The following PALM2AKAP2 variants were observed in gnomAD, a reference collection of about 807,000 sequenced individuals.
The protein encoded by PALM2AKAP2 is PALM2-AKAP2 fusion protein.
PALM2AKAP2 carries 37 observed loss-of-function variants against 71.5 expected under a neutral mutation model. The ratio of observed to expected loss-of-function variants is 0.52; its 90% CI spans 0.40 to 0.68. The LOEUF is 0.68. Ranked by LOEUF, PALM2AKAP2 falls within the 30% of genes least tolerant of loss-of-function variation. PALM2AKAP2 has a pLI of 0.00. For missense variants in PALM2AKAP2, 1,224 were observed against 1,191.8 expected, an observed-to-expected ratio of 1.03 and a Z score of -0.40; for synonymous variants, 468 against 478.8, an observed-to-expected ratio of 0.98 and a Z score of 0.29.
At chr9:109,954,363 C>A (rs1427045416) in intron 6 of PALM2AKAP2, among the ~76,000 whole-genome samples, 3 of 152,060 alleles carry the variant, frequency 2.0e-5, no homozygotes, top group Non-Finnish European at 4.4e-5. Context: ...CACATCATCT[C>A]CCCAGCAGCC....
intron 1 of PALM2AKAP2, among the ~76,000 whole-genome samples, chr9:109,721,983 C>A (rs887755952): frequency 6.6e-6 from 1 of 152,176 alleles, no homozygotes; most frequent in African/African-American, 2.4e-5. Context: ...GACTGGAACC[C>A]AAATTTATTA....
chr9:109,839,061 A>G (rs1209335320), intron 1 of PALM2AKAP2, among the ~76,000 whole-genome samples: 1 of 152,228 alleles, frequency 6.6e-6, no homozygotes, highest in Non-Finnish European at 1.5e-5. Flanking sequence ...CTGATACCAA[A>G]GCTTGGCAGA....
chr9:110,054,587 T>A (rs1833792009), intron 1 of PALM2AKAP2, among the ~76,000 whole-genome samples: 1 of 152,176 alleles, frequency 6.6e-6, no homozygotes, highest in Non-Finnish European at 1.5e-5. Context: ...TATTATTATT[T>A]TTTGAAACAG....
chr9:109,908,432 T>C (rs1198284218), intron 3 of PALM2AKAP2, among the ~76,000 whole-genome samples: 1 of 152,246 alleles, frequency 6.6e-6, no homozygotes, highest in African/African-American at 2.4e-5. Flanking sequence ...GAATCCCAGC[T>C]CTGCCACTTA....
intron 2 of PALM2AKAP2, among the ~76,000 whole-genome samples, chr9:110,146,560 G>T (rs2119162892): frequency 6.6e-6 from 1 of 152,310 alleles, no homozygotes; most frequent in South Asian, 2.1e-4. Flanking sequence ...GTGAATCAAA[G>T]AACCTAATTC....
At chr9:110,000,698 C>T (rs751185901) in intron 6 of PALM2AKAP2, among the ~76,000 whole-genome samples, 4 of 152,134 alleles carry the variant, frequency 2.6e-5, no homozygotes, top group Non-Finnish European at 5.9e-5. Context: ...TTTTAATGAT[C>T]CCCATTCTAA....
chr9:110,166,502 A>ACTATTAGAAAATTTCT (rs1836736670), intron 3 of PALM2AKAP2, among the ~76,000 whole-genome samples: 1 of 152,198 alleles, frequency 6.6e-6, no homozygotes, highest in Admixed American at 6.5e-5. Context: ...CACACATTAG[A>ACTATTAGAAAATTTCT]CTATTAGAAA....
intron 1 of PALM2AKAP2, among the ~76,000 whole-genome samples, chr9:109,654,092 T>C (rs915554434): frequency 2.0e-5 from 3 of 152,228 alleles, no homozygotes; most frequent in Non-Finnish European, 2.9e-5. Flanking sequence ...ATAATTTATA[T>C]CCTAAAAATA....
At chr9:109,957,711 A>G (rs986529630) in intron 6 of PALM2AKAP2, among the ~76,000 whole-genome samples, 1 of 152,158 alleles carries the variant, frequency 6.6e-6, no homozygotes, top group Admixed American at 6.5e-5. Context: ...CTTGCTTGCT[A>G]TGTATTAGAA....
intron 6 of PALM2AKAP2, among the ~76,000 whole-genome samples, chr9:109,963,659 C>A (rs898568646): frequency 2.6e-5 from 4 of 152,166 alleles, no homozygotes; most frequent in African/African-American, 9.7e-5. Flanking sequence ...GGTGAGGAGT[C>A]TTTGGGCCAA....
chr9:109,953,690 C>T (rs567585511), intron 6 of PALM2AKAP2, among the ~76,000 whole-genome samples: 58 of 152,038 alleles, frequency 3.8e-4, no homozygotes, highest in African/African-American at 1.4e-3. Context: ...AAAAAATTAG[C>T]TGGGCTTGGT....
chr9:109,763,093 G>T (rs570406567), intron 1 of PALM2AKAP2, among the ~76,000 whole-genome samples: 5 of 152,152 alleles, frequency 3.3e-5, no homozygotes, highest in Non-Finnish European at 5.9e-5. Context: ...AGTGGAGAGA[G>T]CAAAGGACTC....
At chr9:109,699,091 C>G (rs1475776702) in intron 1 of PALM2AKAP2, among the ~76,000 whole-genome samples, 1 of 152,116 alleles carries the variant, frequency 6.6e-6, no homozygotes, top group African/African-American at 2.4e-5. Context: ...GCAAGTCGTG[C>G]TTAAAAATAA....
chr9:110,151,321 G>T lies in PALM2AKAP2; in HGVS notation c.2570-4998G>T, dbSNP rs562888441. Among the ~76,000 whole-genome samples, 6 of 152,262 alleles carry T rather than the reference G, an allele frequency of 3.9e-5. 1 individual carries two copies. The South Asian group carries it at 1.2e-3, about 32-fold the overall frequency. ...TGACCTCAGCCTCCTGAAGTGCTGG[G>T]ATTACAGGCATGAGCCTCTGCACCT... On this transcript the variant is annotated intron_variant, in intron 2 of 3. Transcript: ENST00000374525.
chr9:110,071,852 C>T (rs1834214432), intron 1 of PALM2AKAP2, among the ~76,000 whole-genome samples: 2 of 152,086 alleles, frequency 1.3e-5, no homozygotes, highest in Admixed American at 1.3e-4. Context: ...TATTAACTAA[C>T]CTTATATAGT....
chr9:109,964,853 T>A (rs1471092666), intron 6 of PALM2AKAP2, among the ~76,000 whole-genome samples: 1 of 152,236 alleles, frequency 6.6e-6, no homozygotes, highest in Admixed American at 6.5e-5. Context: ...GTCAAGGATA[T>A]GTTCAGGACC....
intron 1 of PALM2AKAP2, among the ~76,000 whole-genome samples, chr9:109,684,390 A>G (rs181353914): frequency 4.5e-4 from 68 of 152,290 alleles, no homozygotes; most frequent in African/African-American, 1.5e-3. Flanking sequence ...AGTGTTTTCA[A>G]TAGAACAGGC....
chr9:109,818,936 T>C (rs1344062703), intron 1 of PALM2AKAP2, among the ~76,000 whole-genome samples: 1 of 152,224 alleles, frequency 6.6e-6, no homozygotes, highest in Non-Finnish European at 1.5e-5. Context: ...GAAATGACCA[T>C]GTAGGTTACA....
intron 1 of PALM2AKAP2, among the ~76,000 whole-genome samples, chr9:109,761,733 A>C (rs928631208): frequency 6.6e-6 from 1 of 152,204 alleles, no homozygotes; most frequent in Non-Finnish European, 1.5e-5. Flanking sequence ...ATAGTATTCC[A>C]TGGTGTATAT....
Sources: gnomAD v4.1 joint callset for allele counts (sites outside exome capture counted in the v4.1 genomes callset) on GRCh38, gnomAD v4.1.1 for gene constraint, MANE v1.5 for transcripts, NCBI Gene and HGNC (gene_info 2026-07-23, HGNC 2026-07-21) for gene names.